Variants in BCL9 observed in about 807,000 individuals in gnomAD.
BCL9 encodes B-cell CLL/lymphoma 9 protein.
Under a neutral mutation model 88.5 loss-of-function variants are expected in BCL9, and 25 were observed. The ratio of observed to expected loss-of-function variants is 0.28; its 90% CI spans 0.21 to 0.39. The LOEUF is 0.39. BCL9 is among the 10% of genes least tolerant of loss of function. The probability of loss-of-function intolerance (pLI) is 1.00; values close to 1 mark genes in which losing one functional copy is unlikely to be tolerated. For synonymous variants in BCL9, 711 were observed against 673.3 expected (o/e 1.06, Z -0.87); for missense variants, 1,817 against 1,877.8 (o/e 0.97, Z 0.60).
At chr1:147,599,719 T>A (rs1280031245) in intron 1 of BCL9, among the ~76,000 whole-genome samples, 12 of 150,332 alleles carry the variant, frequency 8.0e-5, no homozygotes, top group Admixed American at 6.6e-4. Flanking sequence ...CTGGCGGGCG[T>A]GCCTATGCAA....
chr1:147,622,317 C>A lies in BCL9; in HGVS notation c.2949C>A (p.Ile983=), dbSNP rs369654817. ...CCAGCCAGCCTGCCTCTGTGAATAT[C>A]CCTGGAAGTCTTCCCTCTAGTACAC... The part of the protein sequence containing the change: ...PTASQPASVN[I]PGSLPSSTPY... Residue 983 remains isoleucine, a synonymous_variant, in exon 9 of 10, where the codon ATC becomes ATA. Coordinates refer to ENST00000234739, the MANE Select transcript of BCL9 (RefSeq NM_004326.4). 3 of 1,614,190 alleles carry A rather than the reference C, an allele frequency of 1.9e-6. No individual in the cohort carries two copies. Among genetic ancestry groups the A allele is most frequent in the African/African-American group, 1.3e-5 (1 of 75,050 alleles).
intron 4 of BCL9, 96 bp from the exon 5 acceptor site, chr1:147,612,787 G>C (rs1658077711): frequency 1.6e-6 from 2 of 1,252,522 alleles, no homozygotes; most frequent in Non-Finnish European, 1.1e-6. Context: ...TAGTCCTAAG[G>C]GTCTCCTTGA....
rs1245011955 is a variant in BCL9, at chr1:147,614,509, C to T, written c.453C>T (p.Pro151=). ...TGACCCCATCAAATGCTACAGCCCCCAGGTCTTCTACCCCCTCCCATGGCC... is the reference window on the plus strand; with the variant it reads ...TGACCCCATCAAATGCTACAGCCCCTAGGTCTTCTACCCCCTCCCATGGCC... The part of the protein sequence containing the change: ...HSMTPSNATA[P]RSSTPSHGQT... The change falls in exon 6 of 10, where the codon CCC becomes CCT. Residue 151 remains proline (P), a synonymous_variant. Transcript: ENST00000234739. The T allele has an allele frequency of 5.6e-6, 9 of 1,613,986 alleles. No homozygotes were observed. Among genetic ancestry groups the T allele is most frequent in the Non-Finnish European group, 6.8e-6 (8 of 1,179,988 alleles).
At chr1:147,605,181 C>G (rs1657622553) in intron 2 of BCL9, among the ~76,000 whole-genome samples, 2 of 152,118 alleles carry the variant, frequency 1.3e-5, no homozygotes, top group South Asian at 4.1e-4. Context: ...ATTTATCATA[C>G]CATCGTTGTG....
rs587704701 is a variant in BCL9 at position 147,586,692 on chromosome 1, C to A, written c.-477-18085C>A. Among the ~76,000 whole-genome samples the A allele has an allele frequency of 1.1e-4, 16 of 152,290 alleles. No homozygotes were observed. The South Asian group carries it at 2.5e-3, about 24-fold the overall frequency. ...CACACACTGCTCTCGCAGGCTTTTC[C>A]CAAGCCCGTAGTCTTCAGCCCCTGT... On this transcript the variant is annotated intron_variant, in intron 1 of 9. Transcript: ENST00000234739.
intron 1 of BCL9, among the ~76,000 whole-genome samples, chr1:147,581,541 T>C (rs1482166649): frequency 1.3e-5 from 2 of 152,134 alleles, no homozygotes; most frequent in Non-Finnish European, 2.9e-5. Flanking sequence ...GAACCGAAGG[T>C]TGTTTTTTGG....
At chr1:147,613,941 C>T (rs1336135263) in intron 5 of BCL9, among the ~76,000 whole-genome samples, 3 of 152,172 alleles carry the variant, frequency 2.0e-5, no homozygotes, top group Admixed American at 6.5e-5. Context: ...TTTCTCCCCT[C>T]CTTCCTCCCC....
intron 1 of BCL9, among the ~76,000 whole-genome samples, chr1:147,580,862 C>T: frequency 6.6e-6 from 1 of 152,144 alleles, no homozygotes; most frequent in Non-Finnish European, 1.5e-5. Flanking sequence ...CTTGTATTAT[C>T]TCTGAACTTC....
chr1:147,615,891 A>C lies in BCL9; in HGVS notation c.649A>C (p.Thr217Pro). ...NISNNKTERS[T>P]APLNTQISAL... ...TTCTAACAACAAGACAGAGAGAAGCACAGCGCCTCTGGTATGTTGTTTCAG... is the reference window on the plus strand; with the variant it reads ...TTCTAACAACAAGACAGAGAGAAGCCCAGCGCCTCTGGTATGTTGTTTCAG... The change falls in exon 7 of 10, where the codon ACA becomes CCA. Residue 217 changes from threonine (T) to proline (P), a missense_variant. By Grantham distance (38) the Thr-to-Pro change is conservative. This residue lies in a region of BCL9 where 1,228 missense variants were observed against 1,191.6 expected (regional missense o/e 1.03). Transcript: ENST00000234739. The C allele has an allele frequency of 6.2e-7, 1 of 1,613,106 alleles. No homozygotes were observed. Among genetic ancestry groups the C allele is most frequent in the African/African-American group, 1.3e-5 (1 of 75,042 alleles).
chr1:147,608,248 A>G (rs1475581211), intron 3 of BCL9, among the ~76,000 whole-genome samples: 1 of 151,568 alleles, frequency 6.6e-6, no homozygotes, highest in African/African-American at 2.4e-5. Context: ...GCAAGTGAGG[A>G]AGTGAACCCT....
intron 1 of BCL9, among the ~76,000 whole-genome samples, chr1:147,553,808 TA>T (rs1256358149): frequency 1.4e-4 from 22 of 152,342 alleles, no homozygotes; most frequent in African/African-American, 5.1e-4. Flanking sequence ...CTGATAGGAT[TA>T]CTTCCTTTGC....
chr1:147,615,526 A>G (rs915019196), intron 6 of BCL9, among the ~76,000 whole-genome samples: 2 of 152,230 alleles, frequency 1.3e-5, no homozygotes, highest in African/African-American at 4.8e-5. Flanking sequence ...AACACCTACC[A>G]CAGCGGATTA....
chr1:147,594,354 C>A (rs1656962712), intron 1 of BCL9, among the ~76,000 whole-genome samples: 1 of 152,102 alleles, frequency 6.6e-6, no homozygotes, highest in South Asian at 2.1e-4. Flanking sequence ...AGATGTTGAG[C>A]CAGGATTACC....
chr1:147,582,779 T>G (rs1553198788), intron 1 of BCL9, among the ~76,000 whole-genome samples: 3 of 152,230 alleles, frequency 2.0e-5, no homozygotes, highest in Admixed American at 2.0e-4. Flanking sequence ...ATGGCAGAGC[T>G]GAGTAGTTGC....
chr1:147,619,334 G>A lies in BCL9; in HGVS notation c.1179G>A (p.Gly393=), dbSNP rs1553204484. ...AQSGGPQQNP[G]VLDGPQKKPE... is the part of the protein sequence containing the mutation. ...GTGGGGGACCGCAGCAGAATCCTGG[G>A]GTATTAGATGGGCCTCAGAAAAAAC... The change falls in exon 8 of 10, where the codon GGG becomes GGA. Residue 393 remains glycine (G), a synonymous_variant. Coordinates refer to ENST00000234739, the MANE Select transcript of BCL9 (RefSeq NM_004326.4). This position sits in a 1 kb window ranked among gnomAD's most constrained non-coding sequence, Gnocchi z 4.1. 6.2e-7 allele frequency: 1 copy of A among 1,614,066 alleles called. No individual in the cohort carries two copies. The highest frequency in any genetic ancestry group is 8.5e-7 in the Non-Finnish European group (1 of 1,180,014).
intron 1 of BCL9, among the ~76,000 whole-genome samples, chr1:147,563,935 G>A (rs916608334): frequency 2.6e-5 from 4 of 152,182 alleles, no homozygotes; most frequent in Non-Finnish European, 5.9e-5. Context: ...ACTCAGAAAC[G>A]TTAAATCCTT....
At chr1:147,570,412 G>A (rs1250659024) in intron 1 of BCL9, among the ~76,000 whole-genome samples, 1 of 152,186 alleles carries the variant, frequency 6.6e-6, no homozygotes, top group Non-Finnish European at 1.5e-5. Context: ...GCAGGAAGGT[G>A]CCTTCTAGAT....
At position 147,619,770 on chromosome 1, in the gene BCL9, A is replaced by C. The variant is rs782109955; in HGVS notation, c.1615A>C (p.Asn539His). The C allele has an allele frequency of 8.1e-6, 13 of 1,614,012 alleles. No homozygotes were observed. The Admixed American group carries it at 1.7e-4, about 21-fold the overall frequency. Residue 539 changes from asparagine (N) to histidine (H), a missense_variant, in exon 8 of 10, where the codon AAC becomes CAC. Physicochemically the swap from Asn to His is moderately conservative, Grantham distance 68 (BLOSUM62 1). Coordinates refer to ENST00000234739, the MANE Select transcript of BCL9 (RefSeq NM_004326.4). The surrounding 1 kb of genome is among the most constrained non-coding windows in gnomAD (Gnocchi z 4.1). The part of the protein sequence containing the change: ...GGTEPFSDGI[N>H]MPHSLPPRGM... ...TACAGAGCCATTTTCTGATGGTATC[A>C]ACATGCCACATTCTCTGCCCCCGAG...
chr1:147,613,420 G>A (rs1262255015), intron 5 of BCL9, among the ~76,000 whole-genome samples: 1 of 152,168 alleles, frequency 6.6e-6, no homozygotes, highest in Non-Finnish European at 1.5e-5. Context: ...TTGCCCTTAA[G>A]GATGCAACGG....
Sources: gnomAD v4.1 joint callset for allele counts (sites outside exome capture counted in the v4.1 genomes callset) on GRCh38, gnomAD v4.1.1 for gene constraint, gnomAD v4.1.1 regional missense constraint, Gnocchi (gnomAD v3.1) non-coding constraint, MANE v1.5 for transcripts, NCBI Gene and HGNC (gene_info 2026-07-23, HGNC 2026-07-21) for gene names.